The following RGS14 variants were observed in gnomAD, a reference collection of about 807,000 sequenced individuals.
RGS14 encodes the protein regulator of G protein signaling 14.
In RGS14, 33 loss-of-function variants were observed where a neutral mutation model predicts 63.8. The ratio of observed to expected loss-of-function variants is 0.52; its 90% confidence interval spans 0.39 to 0.69. RGS14 has a LOEUF of 0.69. RGS14 is among the 30% of genes least tolerant of loss of function. RGS14 has a pLI of 0.00. For missense variants in RGS14, 739 were observed against 742.9 expected, an observed-to-expected ratio of 0.99 and a Z score of 0.06; for synonymous variants, 296 against 320.9, an observed-to-expected ratio of 0.92 and a Z score of 0.83.
rs746954764 is a variant in RGS14, at chr5:177,366,333, C to G, written c.224C>G (p.Pro75Arg). The change falls in exon 3 of 15, where the codon CCG becomes CGG. Residue 75 changes from proline (P) to arginine (R), a missense_variant. Pro to Arg is a moderately radical substitution (Grantham distance 103, BLOSUM62 -2). Coordinates refer to ENST00000408923, the MANE Select transcript of RGS14 (RefSeq NM_006480.5). ...TCCTTCGAGCGGCTGTTGCAGGACC[C>G]GCTGGGCCTGGCTTACTTCACTGTA... ...ALSFERLLQD[P>R]LGLAYFTEFL... The G allele has an allele frequency of 1.3e-6, 2 of 1,549,784 alleles. No individual in the cohort carries two copies. Among genetic ancestry groups the G allele is most frequent in the Non-Finnish European group, 1.7e-6 (2 of 1,147,134 alleles).
chr5:177,367,921 A>C, intron 7 of RGS14, 96 bp downstream of exon 7: 2 of 1,443,450 alleles, frequency 1.4e-6, no homozygotes, highest in Non-Finnish European at 1.8e-6. Context: ...CACAGTCTGT[A>C]AGTCTGTGAA....
chr5:177,368,999 T>C, intron 9 of RGS14, 79 bp downstream of exon 9: 1 of 1,429,432 alleles, frequency 7.0e-7, no homozygotes, highest in Non-Finnish European at 9.8e-7. Flanking sequence ...TGCTCAGTCA[T>C]GGCTCCAACC....
intron 1 of RGS14, among the ~76,000 whole-genome samples, chr5:177,360,834 A>G (rs543838621): frequency 6.6e-6 from 1 of 152,230 alleles, no homozygotes; most frequent in South Asian, 2.1e-4. Flanking sequence ...AATTGCTTGA[A>G]CCTGGGAGGC....
At position 177,357,972 on chromosome 5, in the gene RGS14, A is replaced by T; in HGVS notation, c.-53A>T. ...GTGCAAGCTCTGGCCGGCGCTGCCC[A>T]CAGTCCCCATGGTGGGCAGCCCCCG... On this transcript the variant is annotated 5_prime_UTR_variant, in exon 1 of 15. Coordinates refer to ENST00000408923, the MANE Select transcript of RGS14 (RefSeq NM_006480.5). 7.6e-7 allele frequency: 1 copy of T among 1,317,938 alleles called. No individual in the cohort carries two copies. Among genetic ancestry groups the T allele is most frequent in the Non-Finnish European group, 9.7e-7 (1 of 1,026,562 alleles). 81.6% of individuals were successfully genotyped at this position (1,317,938 alleles called of 1,614,324 possible). A position where few individuals can be genotyped will look rare whatever the true frequency, so the allele number is the denominator to read the frequency against.
rs776473203 is a variant in RGS14, at chr5:177,372,027, C to T, written c.1653C>T (p.Ala551=). 1.9e-6 allele frequency: 3 copies of T among 1,614,026 alleles called. No homozygotes were observed. The highest frequency in any genetic ancestry group is 2.5e-6 in the Non-Finnish European group (3 of 1,180,022). The change falls in exon 15 of 15, where the codon GCC becomes GCT. Residue 551 remains alanine, a synonymous_variant. Transcript: ENST00000408923. ...CCCCACCACAGACCAAATCAGCAGC[C>T]CAGCCCATCGGGGGATCCTTGAACT... The part of the protein sequence containing the change: ...EETPPQTKSA[A]QPIGGSLNST...
chr5:177,367,286 C>T, intron 5 of RGS14, 128 bp from the exon 6 acceptor site: 1 of 1,316,044 alleles, frequency 7.6e-7, no homozygotes. Flanking sequence ...GAACTGAGGT[C>T]GGGGCGGGGC....
chr5:177,368,231 C>G lies in RGS14; in HGVS notation c.814C>G (p.Leu272Val). 1.2e-6 allele frequency: 2 copies of G among 1,613,712 alleles called. No homozygotes were observed. The highest frequency in any genetic ancestry group is 1.7e-6 in the Non-Finnish European group (2 of 1,179,752). Residue 272 changes from leucine (L) to valine (V), a missense_variant, in exon 8 of 15, where the codon CTT (leucine) becomes GTT (valine). Physicochemically the swap from Leu to Val is conservative, Grantham distance 32. Coordinates refer to ENST00000408923, the MANE Select transcript of RGS14 (RefSeq NM_006480.5). Reference sequence around the variant, plus strand: ...CCTCAACTCCTCCGCCAGCCTGGACCTTGGCTTCCTAGCCTTCGTCAGCAG... The same window carrying G: ...CCTCAACTCCTCCGCCAGCCTGGACGTTGGCTTCCTAGCCTTCGTCAGCAG... ...GSLNSSASLDLGFLAFVSSKS... is the reference protein window; with the variant it reads ...GSLNSSASLDVGFLAFVSSKS...
At position 177,371,059 on chromosome 5, in the gene RGS14, G is replaced by C. The variant is rs544317963; in HGVS notation, c.1254+28G>C. 8.7e-7 allele frequency: 1 copy of C among 1,145,776 alleles called. No individual in the cohort carries two copies. The highest frequency in any genetic ancestry group is 1.1e-6 in the Non-Finnish European group (1 of 934,442). 71.0% of individuals were successfully genotyped at this position (1,145,776 alleles called of 1,614,324 possible). A position where few individuals can be genotyped will look rare whatever the true frequency, so the allele number is the denominator to read the frequency against. On this transcript the variant is annotated intron_variant, in intron 11 of 14. Transcript: ENST00000408923. This position sits in a 1 kb window ranked among gnomAD's most constrained non-coding sequence, Gnocchi z 6.1. ...GAGCTTCCGGGCCGCGGGGCGGGGCGGGGCGGGGCCGGGCCGGGGCCGGGG... is the reference window on the plus strand; with the variant it reads ...GAGCTTCCGGGCCGCGGGGCGGGGCCGGGCGGGGCCGGGCCGGGGCCGGGG...
rs1321516404 is a variant in RGS14 at position 177,371,087 on chromosome 5, G to C, written c.1254+56G>C. The stretch of plus-strand genomic sequence containing the variant: ...GCGGGGCCGGGCCGGGGCCGGGGCC[G>C]GGGCCGGGGCCGGGGCCGGGGCCGG... On this transcript the variant is annotated intron_variant, in intron 11 of 14. Coordinates refer to ENST00000408923, the MANE Select transcript of RGS14 (RefSeq NM_006480.5). This position sits in a 1 kb window ranked among gnomAD's most constrained non-coding sequence, Gnocchi z 6.1. The C allele has an allele frequency of 4.3e-6, 2 of 464,704 alleles. No individual in the cohort carries two copies. Among genetic ancestry groups the C allele is most frequent in the Non-Finnish European group, 5.0e-6 (2 of 396,918 alleles). 28.8% of individuals were successfully genotyped at this position (464,704 alleles called of 1,614,324 possible).
rs756384912 is a variant in RGS14 at position 177,357,996 on chromosome 5, C to T, written c.-29C>T. On this transcript the variant is annotated 5_prime_UTR_variant, in exon 1 of 15. Coordinates refer to ENST00000408923, the MANE Select transcript of RGS14 (RefSeq NM_006480.5). The stretch of plus-strand genomic sequence containing the variant: ...CACAGTCCCCATGGTGGGCAGCCCC[C>T]GCGGCGGGGACCCCTGATCGGCAGC... 25 of 1,340,354 alleles carry T rather than the reference C, an allele frequency of 1.9e-5. 3 individuals carry two copies. In the South Asian group the frequency reaches 3.9e-4, roughly 21 times the overall value. The allele number at this position is 1,340,354 out of a possible 1,614,324, so 83.0% of individuals were successfully genotyped here. A position where few individuals can be genotyped will look rare whatever the true frequency, so the allele number is the denominator to read the frequency against.
rs929265687 is a variant in RGS14 at position 177,366,995 on chromosome 5, C to A, written c.444C>A (p.Ala148=). ...CCTGGCTTGGCGAGGAGGTGCTGGC[C>A]GAGCCCCGGCCGGACATGTTTCGGG... The part of the protein sequence containing the change: ...RQAWLGEEVL[A]EPRPDMFRAQ... The change falls in exon 5 of 15, where the codon GCC becomes GCA. Residue 148 remains alanine, a synonymous_variant. Transcript: ENST00000408923. 6.2e-7 allele frequency: 1 copy of A among 1,612,906 alleles called. No individual in the cohort carries two copies. Among genetic ancestry groups the A allele is most frequent in the Non-Finnish European group, 8.5e-7 (1 of 1,179,884 alleles).
intron 9 of RGS14, among the ~76,000 whole-genome samples, chr5:177,369,257 C>A: frequency 6.6e-6 from 1 of 152,208 alleles, no homozygotes; most frequent in East Asian, 1.9e-4. Context: ...CCGTGGGGTG[C>A]CCTCACCTCC....
intron 3 of RGS14, 73 bp from the exon 4 acceptor site, chr5:177,366,633 CTT>C (rs1762098601): frequency 1.4e-6 from 2 of 1,436,750 alleles, no homozygotes. Flanking sequence ...CTGTCCCAAT[CTT>C]TTTGATCACA....
At position 177,363,691 on chromosome 5, in the gene RGS14, T is replaced by A. The variant is rs1028165254; in HGVS notation, c.46-2272T>A. Among the ~76,000 whole-genome samples the A allele has an allele frequency of 5.3e-5, 8 of 152,254 alleles. No individual in the cohort carries two copies. In the East Asian group the frequency reaches 1.5e-3, roughly 29 times the overall value. ...TATTTCACTCATTTAATCGCACCAA[T>A]CCTTCGAAGTCAGGACCATTATTTG... On this transcript the variant is annotated intron_variant, in intron 1 of 14. Coordinates refer to ENST00000408923, the MANE Select transcript of RGS14 (RefSeq NM_006480.5).
chr5:177,367,262 G>A (rs1762122019), intron 5 of RGS14, 152 bp from the exon 6 acceptor site: 1 of 1,192,138 alleles, frequency 8.4e-7, no homozygotes, highest in African/African-American at 1.5e-5. Context: ...CTTGGACCCC[G>A]GGGGTGGGTA....
intron 10 of RGS14, 21 bp from the exon 11 acceptor site, chr5:177,370,884 C>G (rs1197139894): frequency 6.3e-7 from 1 of 1,592,740 alleles, no homozygotes; most frequent in South Asian, 1.1e-5. Context: ...CGGCCCTCTG[C>G]TGCCCGAGGG....
In RGS14 at chr5:177,372,435, T is replaced by G; in HGVS notation, c.*360T>G. On this transcript the variant is annotated 3_prime_UTR_variant, in exon 15 of 15. Coordinates refer to ENST00000408923, the MANE Select transcript of RGS14 (RefSeq NM_006480.5). The stretch of plus-strand genomic sequence containing the variant: ...GGCAAGAGGAGGGGCCGGCCCCTCC[T>G]CAGGAAGCTGGTATGAGTAAGGCCT... The G allele has an allele frequency of 4.0e-6, 1 of 248,794 alleles. No individual in the cohort carries two copies. The highest frequency in any genetic ancestry group is 5.1e-5 in the Admixed American group (1 of 19,580). 15.4% of individuals were successfully genotyped at this position (248,794 alleles called of 1,614,324 possible). A position where few individuals can be genotyped will look rare whatever the true frequency, so the allele number is the denominator to read the frequency against.
rs1390092867 is a variant in RGS14 at position 177,372,306 on chromosome 5, C to T, written c.*231C>T. The T allele has an allele frequency of 3.7e-6, 2 of 542,870 alleles. No homozygotes were observed. 33.6% of individuals were successfully genotyped at this position (542,870 alleles called of 1,614,324 possible). On this transcript the variant is annotated 3_prime_UTR_variant, in exon 15 of 15. Coordinates refer to ENST00000408923, the MANE Select transcript of RGS14 (RefSeq NM_006480.5). ...CACCCCCAATCCCTTGCAGCCAGGC[C>T]ACAATGGGGGAGGTGAGTCCAGCCC...
In RGS14 at chr5:177,370,888, C is replaced by G; in HGVS notation, c.1128-17C>G. On this transcript the variant is annotated splice_polypyrimidine_tract_variant and intron_variant, in intron 10 of 14. Coordinates refer to ENST00000408923, the MANE Select transcript of RGS14 (RefSeq NM_006480.5). ...GGCCGGCCCTCCGGCCCTCTGCTGC[C>G]CGAGGGTTCCTCGCAGGCTGGAGCT... 6.3e-7 allele frequency: 1 copy of G among 1,597,320 alleles called. No homozygotes were observed.
Sources: gnomAD v4.1 joint callset for allele counts (sites outside exome capture counted in the v4.1 genomes callset) on GRCh38, gnomAD v4.1.1 for gene constraint, Gnocchi (gnomAD v3.1) non-coding constraint, MANE v1.5 for transcripts, NCBI Gene and HGNC (gene_info 2026-07-23, HGNC 2026-07-21) for gene names.